The following MYCBP2 variants were observed in gnomAD, a reference collection of about 807,000 sequenced individuals.
MYCBP2 encodes MYC binding protein 2, also known as E3 ubiquitin-protein ligase MYCBP2.
MYCBP2 carries 120 observed loss-of-function variants against 525.3 expected under a neutral mutation model. That is an observed-to-expected ratio of 0.23 (90% CI 0.20 to 0.27). The LOEUF is 0.27. Among genes scored for constraint, MYCBP2 ranks in the 10% least tolerant of loss-of-function variants. The pLI is 1.00. For synonymous variants in MYCBP2, 1,894 were observed against 1,955.8 expected (o/e 0.97, Z 0.83); for missense variants, 4,149 against 5,657.1 (o/e 0.73, Z 8.55).
At chr13:77,131,917 G>T (rs982083567) in intron 52 of MYCBP2, among the ~76,000 whole-genome samples, 1 of 152,012 alleles carries the variant, frequency 6.6e-6, no homozygotes, top group Non-Finnish European at 1.5e-5. Flanking sequence ...GAAAATAAGT[G>T]ACCAACCATG....
intron 2 of MYCBP2, among the ~76,000 whole-genome samples, chr13:77,290,710 G>A (rs1419372792): frequency 6.6e-6 from 1 of 152,136 alleles, no homozygotes; most frequent in Admixed American, 6.6e-5. Context: ...AGGAGAGGGT[G>A]AGGAAGGAAG....
At chr13:77,126,793 C>T (rs1312357810) in intron 52 of MYCBP2, among the ~76,000 whole-genome samples, 2 of 152,012 alleles carry the variant, frequency 1.3e-5, no homozygotes, top group Non-Finnish European at 2.9e-5. Context: ...CTTCTGCCCA[C>T]CATAATTTGA....
intron 1 of MYCBP2, among the ~76,000 whole-genome samples, chr13:77,318,089 C>A (rs1033345366): frequency 5.3e-5 from 8 of 152,124 alleles, no homozygotes; most frequent in Non-Finnish European, 1.2e-4. Flanking sequence ...CTGGGTGAGA[C>A]CCTGCTGGAA....
chr13:77,233,135 G>A (rs757166479), intron 18 of MYCBP2, 21 bp downstream of exon 18: 1 of 1,596,438 alleles, frequency 6.3e-7, no homozygotes, highest in Non-Finnish European at 8.6e-7. Context: ...TCCCACCTAG[G>A]TGATAAGGAA....
At chr13:77,303,771 G>GAAA (rs71203044) in intron 1 of MYCBP2, among the ~76,000 whole-genome samples, 1 of 147,830 alleles carries the variant, frequency 6.8e-6, no homozygotes. Flanking sequence ...TGCATATACT[G>GAAA]AAAAAAAAAA....
At chr13:77,133,722 G>A (rs1245517037) in intron 52 of MYCBP2, among the ~76,000 whole-genome samples, 1 of 152,112 alleles carries the variant, frequency 6.6e-6, no homozygotes, top group Non-Finnish European at 1.5e-5. Flanking sequence ...CTATTCATTA[G>A]TTCACATACA....
At chr13:77,104,121 G>A (rs908682941) in intron 55 of MYCBP2, among the ~76,000 whole-genome samples, 1 of 152,012 alleles carries the variant, frequency 6.6e-6, no homozygotes, top group African/African-American at 2.4e-5. Context: ...TGTATTTAAA[G>A]TTTTTAACTC....
intron 52 of MYCBP2, chr13:77,129,498 C>T (rs2052352017): frequency 3.8e-6 from 1 of 260,324 alleles, no homozygotes; most frequent in Non-Finnish European, 7.2e-6. Context: ...TGTTATAAAG[C>T]TTAAGATACT....
chr13:77,246,679 A>T (rs2070078551), intron 15 of MYCBP2, among the ~76,000 whole-genome samples: 1 of 151,670 alleles, frequency 6.6e-6, no homozygotes, highest in Admixed American at 6.6e-5. Flanking sequence ...AGGCAAAAAA[A>T]AAAACCCCTA....
intron 22 of MYCBP2, 101 bp downstream of exon 22, chr13:77,211,854 CA>C: frequency 1.1e-6 from 1 of 952,130 alleles, no homozygotes; most frequent in Non-Finnish European, 1.6e-6. Flanking sequence ...AGAAAGAAAA[CA>C]AAAAGCTACA....
At chr13:77,206,870 T>C (rs780943006) in intron 23 of MYCBP2, 45 bp from the exon 24 acceptor site, 319 of 1,465,522 alleles carry the variant, frequency 2.2e-4, no homozygotes, top group Non-Finnish European at 2.8e-4. Context: ...GTGGTTTTGT[T>C]TTTAAAAAAA....
At position 77,217,975 on chromosome 13, in the gene MYCBP2, AAAGT is replaced by A. The variant is rs1292697248; in HGVS notation, c.2940-22_2940-19del. The A allele has an allele frequency of 1.3e-6, 2 of 1,509,058 alleles. No homozygotes were observed. Among genetic ancestry groups the A allele is most frequent in the Non-Finnish European group, 9.0e-7 (1 of 1,108,274 alleles). 93.5% of individuals were successfully genotyped at this position (1,509,058 alleles called of 1,614,324 possible). The stretch of plus-strand genomic sequence containing the variant: ...GACATCCCCTAGGTTAAAAAAAAAA[AAAGT>A]AAGTCAATTTCTTACAAAACTCAAC... On this transcript the variant is annotated intron_variant, in intron 20 of 82. Transcript: ENST00000544440.
Position 77,161,962 on chromosome 13 carries a change from T to C in MYCBP2, c.6548-7A>G, listed in dbSNP as rs2057981597. On this transcript the variant is annotated splice_region_variant and splice_polypyrimidine_tract_variant and intron_variant, in intron 43 of 82. Transcript: ENST00000544440. ...TCTTCTTCTAATTCATTACCTGTTG[T>C]GTAAATAAAGAGTTTTACTAAAATA... 1 of 1,593,556 alleles carries C rather than the reference T, an allele frequency of 6.3e-7. No individual in the cohort carries two copies. Among genetic ancestry groups the C allele is most frequent in the African/African-American group, 1.3e-5 (1 of 74,106 alleles).
chr13:77,158,453 T>G (rs2057473568), intron 44 of MYCBP2, among the ~76,000 whole-genome samples: 1 of 152,132 alleles, frequency 6.6e-6, no homozygotes, highest in African/African-American at 2.4e-5. Flanking sequence ...TGTCTCCCCC[T>G]TTTTTCTTTT....
intron 46 of MYCBP2, among the ~76,000 whole-genome samples, chr13:77,154,768 T>C (rs1321686911): frequency 6.6e-6 from 1 of 152,080 alleles, no homozygotes; most frequent in Admixed American, 6.5e-5. Flanking sequence ...AATCTGTCCT[T>C]GAGTAGTAAT....
In MYCBP2 at chr13:77,099,233, C is replaced by T. The variant is rs377163127; in HGVS notation, c.8141-220G>A. The T allele has an allele frequency of 5.9e-4, 353 of 598,262 alleles. 4 individuals are homozygous for T. The highest frequency in any genetic ancestry group is 4.3e-4 in the Middle Eastern group (1 of 2,312). The allele number at this position is 598,262 out of a possible 1,614,324, so 37.1% of individuals were successfully genotyped here. ...TACCACCAAAAACTATTTTCATGGA[C>T]GCAAAACAACAGGTTGAACAAATCC... On this transcript the variant is annotated intron_variant, in intron 55 of 82. Transcript: ENST00000544440.
At position 77,138,741 on chromosome 13, in the gene MYCBP2, G is replaced by A. The variant is rs559632977; in HGVS notation, c.7659+455C>T. Among the ~76,000 whole-genome samples the A allele has an allele frequency of 3.5e-4, 53 of 152,256 alleles. 1 individual carries two copies. The South Asian group carries it at 0.011, about 31-fold the overall frequency. ...AATCTAAATAATAGTATTATAAGCC[G>A]AGAAGGAAGAGAGTCAAAATTAGAC... On this transcript the variant is annotated intron_variant, in intron 52 of 82. Coordinates refer to ENST00000544440, the MANE Select transcript of MYCBP2 (RefSeq NM_015057.5).
At chr13:77,054,693 T>C (rs2037528632) in intron 80 of MYCBP2, among the ~76,000 whole-genome samples, 1 of 151,022 alleles carries the variant, frequency 6.6e-6, no homozygotes, top group African/African-American at 2.4e-5. Flanking sequence ...CTCAACCCCC[T>C]GGACTCAAGC....
At chr13:77,076,548 T>C (rs2154096566) in intron 68 of MYCBP2, among the ~76,000 whole-genome samples, 1 of 152,212 alleles carries the variant, frequency 6.6e-6, no homozygotes, top group Admixed American at 6.5e-5. Flanking sequence ...ATAGAGCAAA[T>C]TTGCTGTTAC....
Sources: allele counts gnomAD v4.1 joint callset (sites outside exome capture counted in the v4.1 genomes callset), GRCh38; gene constraint gnomAD v4.1.1; transcripts MANE v1.5; gene names NCBI Gene and HGNC (gene_info 2026-07-23, HGNC 2026-07-21).